Variants in RSRC1 observed in about 807,000 individuals in gnomAD.
RSRC1 encodes the protein arginine and serine rich coiled-coil 1, also known as serine/Arginine-related protein 53.
In RSRC1, 39 loss-of-function variants were observed where a neutral mutation model predicts 49.1. That is an observed-to-expected ratio of 0.79 (90% CI 0.61 to 1.04). The LOEUF (loss-of-function observed/expected upper bound fraction) is 1.04. RSRC1 is among the 50% of genes least tolerant of loss of function. RSRC1 has a pLI of 0.00. For missense variants in RSRC1, 388 were observed against 402.4 expected (o/e 0.96, Z 0.31); for synonymous variants, 143 against 130.8 (o/e 1.09, Z -0.63).
At chr3:158,271,809 A>G (rs750454124) in intron 4 of RSRC1, among the ~76,000 whole-genome samples, 14 of 152,158 alleles carry the variant, frequency 9.2e-5, no homozygotes, top group Admixed American at 2.0e-4. Context: ...GAACACAACA[A>G]GAATTAAATA....
chr3:158,322,800 GT>G (rs11324823), intron 5 of RSRC1, among the ~76,000 whole-genome samples: 2,469 of 151,616 alleles, frequency 0.016, 87 homozygotes, highest in African/African-American at 0.057. Flanking sequence ...TTCCTTCAAT[GT>G]TTTTTTTCTC....
intron 6 of RSRC1, among the ~76,000 whole-genome samples, chr3:158,422,723 G>T (rs373136052): frequency 4.0e-5 from 6 of 149,828 alleles, no homozygotes; most frequent in Non-Finnish European, 5.9e-5. Flanking sequence ...TTCTCCACAT[G>T]CTCTCCAGCA....
intron 8 of RSRC1, among the ~76,000 whole-genome samples, chr3:158,540,046 T>C (rs1712948733): frequency 6.6e-6 from 1 of 152,184 alleles, no homozygotes. Context: ...AATGATATGC[T>C]CTTACAGTCC....
chr3:158,288,731 A>G (rs1194407442), intron 4 of RSRC1, among the ~76,000 whole-genome samples: 1 of 151,364 alleles, frequency 6.6e-6, no homozygotes, highest in Admixed American at 6.6e-5. Context: ...TATAATACCT[A>G]TTACAACTTA....
At chr3:158,385,867 TTA>T (rs1247020631) in intron 6 of RSRC1, among the ~76,000 whole-genome samples, 1 of 152,154 alleles carries the variant, frequency 6.6e-6, no homozygotes, top group East Asian at 1.9e-4. Flanking sequence ...TTTGATGAGT[TTA>T]TGATTGACCC....
intron 4 of RSRC1, among the ~76,000 whole-genome samples, chr3:158,287,142 A>G (rs558967107): frequency 6.6e-6 from 1 of 152,276 alleles, no homozygotes; most frequent in Admixed American, 6.5e-5. Context: ...CTCAGTTTTA[A>G]CAGCTAAAGA....
chr3:158,191,078 A>G lies in RSRC1; in HGVS notation c.321-11994A>G, dbSNP rs146530688. Among the ~76,000 whole-genome samples the G allele has an allele frequency of 2.3e-3, 343 of 151,860 alleles. 1 individual carries two copies. Among genetic ancestry groups the G allele is most frequent in the African/African-American group, 7.9e-3 (329 of 41,442 alleles). ...GCTGAGACTACAGGCATCATTTATG[A>G]TCTTGTTTTTGTAGATCCCTGAACT... On this transcript the variant is annotated intron_variant, in intron 3 of 9. Transcript: ENST00000611884.
chr3:158,432,982 G>A (rs906136881), intron 6 of RSRC1, among the ~76,000 whole-genome samples: 2 of 151,684 alleles, frequency 1.3e-5, no homozygotes, highest in Non-Finnish European at 2.9e-5. Flanking sequence ...GTGATGCTTC[G>A]TAAGTTAATT....
chr3:158,158,477 C>A (rs1718015483), intron 3 of RSRC1, among the ~76,000 whole-genome samples: 1 of 152,132 alleles, frequency 6.6e-6, no homozygotes, highest in East Asian at 1.9e-4. Context: ...TTATCTAAGA[C>A]AGCGAACTAT....
chr3:158,176,713 T>G (rs898859789), intron 3 of RSRC1, among the ~76,000 whole-genome samples: 3 of 152,168 alleles, frequency 2.0e-5, no homozygotes, highest in African/African-American at 7.2e-5. Flanking sequence ...ACCTAGGCAA[T>G]ACCATTCAGG....
intron 4 of RSRC1, among the ~76,000 whole-genome samples, chr3:158,214,596 T>C (rs1483104152): frequency 6.6e-6 from 1 of 151,870 alleles, no homozygotes; most frequent in Non-Finnish European, 1.5e-5. Context: ...CTGCTTGAGC[T>C]ACATCCCACA....
intron 4 of RSRC1, among the ~76,000 whole-genome samples, chr3:158,262,830 T>C (rs1345616694): frequency 6.6e-6 from 1 of 152,132 alleles, no homozygotes; most frequent in African/African-American, 2.4e-5. Flanking sequence ...ATATATTTAA[T>C]ATCAATTTCA....
At chr3:158,309,634 T>TA (rs1031384741) in intron 5 of RSRC1, among the ~76,000 whole-genome samples, 3 of 151,672 alleles carry the variant, frequency 2.0e-5, no homozygotes, top group Non-Finnish European at 4.4e-5. Flanking sequence ...TACACTCTTA[T>TA]AAAAAACTAC....
intron 3 of RSRC1, among the ~76,000 whole-genome samples, chr3:158,186,209 TGCCC>T (rs1719922884): frequency 6.6e-6 from 1 of 152,042 alleles, no homozygotes; most frequent in African/African-American, 2.4e-5. Flanking sequence ...GCAGTTGTAG[TGCCC>T]ACCTGCTAAT....
chr3:158,442,779 A>C (rs755385161), intron 6 of RSRC1, among the ~76,000 whole-genome samples: 4 of 152,022 alleles, frequency 2.6e-5, no homozygotes, highest in African/African-American at 4.8e-5. Context: ...AATACATTTT[A>C]TAGGGCTATA....
intron 5 of RSRC1, among the ~76,000 whole-genome samples, chr3:158,299,073 A>T (rs1355031132): frequency 6.6e-6 from 1 of 152,240 alleles, no homozygotes; most frequent in East Asian, 1.9e-4. Context: ...AAAAAGGAGG[A>T]TATAATAGAA....
chr3:158,309,413 G>A (rs1311923048), intron 5 of RSRC1, among the ~76,000 whole-genome samples: 1 of 151,592 alleles, frequency 6.6e-6, no homozygotes, highest in East Asian at 1.9e-4. Flanking sequence ...ATAATTATTG[G>A]TCTGATTTTC....
chr3:158,417,135 G>A (rs1442363855), intron 6 of RSRC1, among the ~76,000 whole-genome samples: 3 of 151,964 alleles, frequency 2.0e-5, no homozygotes, highest in African/African-American at 7.2e-5. Flanking sequence ...ATCACTAGTT[G>A]AACAGTGTAC....
chr3:158,404,281 T>C (rs928091073), intron 6 of RSRC1, among the ~76,000 whole-genome samples: 3 of 152,028 alleles, frequency 2.0e-5, no homozygotes, highest in African/African-American at 7.2e-5. Flanking sequence ...AGCACATTCA[T>C]TTTCTCTTAA....
Sources: gnomAD v4.1 joint callset for allele counts (sites outside exome capture counted in the v4.1 genomes callset) on GRCh38, gnomAD v4.1.1 for gene constraint, MANE v1.5 for transcripts, NCBI Gene and HGNC (gene_info 2026-07-23, HGNC 2026-07-21) for gene names.